Variants in CCSER1 observed in about 807,000 individuals in gnomAD.
The protein encoded by CCSER1 is serine-rich coiled-coil domain-containing protein 1.
CCSER1 carries 41 observed loss-of-function variants against 82.0 expected under a neutral mutation model. The observed-to-expected ratio is 0.50, with a 90% CI of 0.39 to 0.65. The LOEUF is 0.65. CCSER1 is among the 30% of genes least tolerant of loss of function. The probability of loss-of-function intolerance (pLI) is 0.00; values close to 1 mark genes in which losing one functional copy is unlikely to be tolerated. For synonymous variants in CCSER1, 414 were observed against 383.9 expected, an observed-to-expected ratio of 1.08 and a Z score of -0.92; for missense variants, 1,119 against 1,064.2, an observed-to-expected ratio of 1.05 and a Z score of -0.72.
intron 6 of CCSER1, among the ~76,000 whole-genome samples, chr4:90,713,780 C>T (rs1035488195): frequency 6.6e-6 from 1 of 151,912 alleles, no homozygotes; most frequent in African/African-American, 2.4e-5. Context: ...TCAGGTGCCC[C>T]AATCAGTCGT....
At chr4:90,622,320 G>A (rs1362651069) in intron 5 of CCSER1, among the ~76,000 whole-genome samples, 2 of 152,136 alleles carry the variant, frequency 1.3e-5, no homozygotes, top group African/African-American at 4.8e-5. Context: ...TGCACAACGT[G>A]CAGGTTTGTT....
At chr4:90,669,435 G>A (rs1243399071) in intron 6 of CCSER1, among the ~76,000 whole-genome samples, 2 of 152,080 alleles carry the variant, frequency 1.3e-5, no homozygotes, top group Non-Finnish European at 2.9e-5. Context: ...TATAAGGATG[G>A]TTGGACTGCT....
chr4:90,334,218 A>G lies in CCSER1; in HGVS notation c.1509+21171A>G, dbSNP rs768102948. Among the ~76,000 whole-genome samples, 20 of 152,216 alleles carry G rather than the reference A, an allele frequency of 1.3e-4. No individual in the cohort carries two copies. The South Asian group carries it at 1.9e-3, about 14-fold the overall frequency. Reference sequence around the variant, plus strand: ...GTTAGAATAAAGGTGAGATGCTATGATAGAAAGGGGTAGGAGATAGAGAAG... The same window carrying G: ...GTTAGAATAAAGGTGAGATGCTATGGTAGAAAGGGGTAGGAGATAGAGAAG... On this transcript the variant is annotated intron_variant, in intron 3 of 10. Coordinates refer to ENST00000509176, the MANE Select transcript of CCSER1 (RefSeq NM_001145065.2).
At position 90,476,182 on chromosome 4, in the gene CCSER1, G is replaced by A. The variant is rs191299551; in HGVS notation, c.1724+7828G>A. ...TGGGCACTCAGGATTCTTGCCTTAG[G>A]CCCTGCATGTGAGAGAACTGTGTCA... On this transcript the variant is annotated intron_variant, in intron 5 of 10. Transcript: ENST00000509176. Among the ~76,000 whole-genome samples the A allele has an allele frequency of 1.5e-4, 23 of 152,136 alleles. No homozygotes were observed. In the East Asian group the frequency reaches 3.9e-3, roughly 26 times the overall value.
intron 8 of CCSER1, among the ~76,000 whole-genome samples, chr4:90,871,268 T>G (rs1357054536): frequency 6.6e-6 from 1 of 151,810 alleles, no homozygotes; most frequent in Non-Finnish European, 1.5e-5. Flanking sequence ...GATGTATTGT[T>G]AGCTTGTTCA....
chr4:91,580,034 C>T (rs949286935), intron 10 of CCSER1, among the ~76,000 whole-genome samples: 1 of 151,724 alleles, frequency 6.6e-6, no homozygotes, highest in African/African-American at 2.4e-5. Flanking sequence ...TGTATTTGCA[C>T]ATTGGGAATA....
intron 5 of CCSER1, among the ~76,000 whole-genome samples, chr4:90,526,973 T>C (rs1466839384): frequency 2.0e-5 from 3 of 152,220 alleles, no homozygotes; most frequent in Admixed American, 2.0e-4. Flanking sequence ...GTTGAACTAA[T>C]TTACACTCCC....
At chr4:90,543,685 A>T (rs548705981) in intron 5 of CCSER1, among the ~76,000 whole-genome samples, 2 of 152,258 alleles carry the variant, frequency 1.3e-5, no homozygotes, top group South Asian at 4.1e-4. Flanking sequence ...TCTGTATCTC[A>T]CAAGAATGTC....
intron 10 of CCSER1, among the ~76,000 whole-genome samples, chr4:91,380,195 A>G (rs932613315): frequency 1.8e-4 from 27 of 152,242 alleles, no homozygotes; most frequent in Non-Finnish European, 3.2e-4. Context: ...AATAAGTGCG[A>G]TGTGGTGCTG....
intron 10 of CCSER1, among the ~76,000 whole-genome samples, chr4:91,565,865 T>C (rs1437096757): frequency 6.6e-6 from 1 of 152,132 alleles, no homozygotes; most frequent in Non-Finnish European, 1.5e-5. Flanking sequence ...TGTCTTCCCA[T>C]TTGGATGCCC....
rs191125806 is a variant in CCSER1, at chr4:91,589,453, C to T, written c.2218-9119C>T. ...CTATAAAGTCTATGAATTATTCACACGAGACATTATGTGAATCTAAAGATT... is the reference window on the plus strand; with the variant it reads ...CTATAAAGTCTATGAATTATTCACATGAGACATTATGTGAATCTAAAGATT... On this transcript the variant is annotated intron_variant, in intron 10 of 10. Transcript: ENST00000509176. Among the ~76,000 whole-genome samples the T allele has an allele frequency of 7.8e-4, 118 of 151,940 alleles. 1 individual carries two copies. The highest frequency in any genetic ancestry group is 3.4e-3 in the Middle Eastern group (1 of 294).
intron 6 of CCSER1, among the ~76,000 whole-genome samples, chr4:90,635,519 GATA>G (rs1371820208): frequency 6.6e-6 from 1 of 151,660 alleles, no homozygotes; most frequent in Non-Finnish European, 1.5e-5. Context: ...ATGAGATGAT[GATA>G]ATAATATCAC....
At chr4:91,549,813 C>T (rs1578762856) in intron 10 of CCSER1, among the ~76,000 whole-genome samples, 1 of 152,058 alleles carries the variant, frequency 6.6e-6, no homozygotes, top group East Asian at 1.9e-4. Context: ...TCAACCTGGG[C>T]AACAGAGCCA....
intron 10 of CCSER1, among the ~76,000 whole-genome samples, chr4:91,381,588 G>T (rs1750900641): frequency 6.6e-6 from 1 of 152,102 alleles, no homozygotes; most frequent in African/African-American, 2.4e-5. Context: ...ATGGTTTTCA[G>T]CTCCATCAGG....
intron 10 of CCSER1, among the ~76,000 whole-genome samples, chr4:91,163,443 AG>A (rs1171959070): frequency 6.6e-6 from 1 of 151,944 alleles, no homozygotes; most frequent in Non-Finnish European, 1.5e-5. Context: ...GATGTCTATT[AG>A]GTCTGCTTGG....
intron 9 of CCSER1, among the ~76,000 whole-genome samples, chr4:90,937,031 GT>G (rs1445249236): frequency 6.6e-6 from 1 of 152,098 alleles, no homozygotes; most frequent in East Asian, 1.9e-4. Flanking sequence ...AACCAGACAA[GT>G]TTTTTTGTCT....
intron 10 of CCSER1, among the ~76,000 whole-genome samples, chr4:91,458,778 G>GT (rs1202545474): frequency 1.2e-4 from 19 of 152,102 alleles, no homozygotes; most frequent in South Asian, 1.2e-3. Flanking sequence ...AAATGGAATT[G>GT]TTTTTTATTT....
At chr4:90,819,236 A>AT (rs1193846411) in intron 8 of CCSER1, among the ~76,000 whole-genome samples, 1 of 152,174 alleles carries the variant, frequency 6.6e-6, no homozygotes, top group African/African-American at 2.4e-5. Context: ...TAATCCTGTC[A>AT]TAAGGACCCT....
chr4:90,377,018 AG>A (rs1327623076), intron 3 of CCSER1, among the ~76,000 whole-genome samples: 2 of 152,142 alleles, frequency 1.3e-5, no homozygotes. Flanking sequence ...AGCATGTGCA[AG>A]TATCATCTAG....
Sources: gnomAD v4.1 joint callset for allele counts (sites outside exome capture counted in the v4.1 genomes callset) on GRCh38, gnomAD v4.1.1 for gene constraint, MANE v1.5 for transcripts, NCBI Gene and HGNC (gene_info 2026-07-23, HGNC 2026-07-21) for gene names.